BBOX1: variants seen among roughly 807,000 people sequenced by gnomAD.
BBOX1 encodes the protein gamma-butyrobetaine dioxygenase.
BBOX1 carries 35 observed loss-of-function variants against 41.6 expected under a neutral mutation model. That is an observed-to-expected ratio of 0.84 (90% CI 0.64 to 1.11). The LOEUF (loss-of-function observed/expected upper bound fraction) is 1.11. Ranked by LOEUF, BBOX1 falls within the 50% of genes most tolerant of loss-of-function variation. The probability of loss-of-function intolerance (pLI) is 0.00; values close to 1 mark genes in which losing one functional copy is unlikely to be tolerated. For synonymous variants in BBOX1, 163 were observed against 154.7 expected (o/e 1.05, Z -0.40); for missense variants, 458 against 460.6 (o/e 0.99, Z 0.05).
chr11:27,077,017 C>T (rs1469998897), intron 4 of BBOX1, among the ~76,000 whole-genome samples: 2 of 152,122 alleles, frequency 1.3e-5, no homozygotes, highest in Non-Finnish European at 2.9e-5. Context: ...CCCTTCCAGT[C>T]CACCCACAAA....
Position 27,093,191 on chromosome 11 carries a change from C to T in BBOX1, c.358C>T (p.Leu120Phe), listed in dbSNP as rs763064051. 8 of 1,612,080 alleles carry T rather than the reference C, an allele frequency of 5.0e-6. No individual in the cohort carries two copies. In the African/African-American group the frequency reaches 1.1e-4, roughly 22 times the overall value. The change falls in exon 5 of 9, where the codon CTC becomes TTC. Residue 120 changes from leucine to phenylalanine, a missense_variant. Physicochemically the swap from Leu to Phe is conservative, Grantham distance 22. Coordinates refer to ENST00000263182, the MANE Select transcript of BBOX1 (RefSeq NM_003986.3). Reference sequence around the variant, plus strand: ...AGAATGCCAATACTGGGGCTCAGAGCTCCAGCTACCCACTTTGGATTTTGA... The same window carrying T: ...AGAATGCCAATACTGGGGCTCAGAGTTCCAGCTACCCACTTTGGATTTTGA... ...FPECQYWGSE[L>F]QLPTLDFEDV...
intron 5 of BBOX1, among the ~76,000 whole-genome samples, chr11:27,111,125 A>T (rs1217949561): frequency 6.6e-6 from 1 of 151,918 alleles, no homozygotes; most frequent in Non-Finnish European, 1.5e-5. Flanking sequence ...CAATAAAATT[A>T]ATCATTTTGT....
At chr11:27,069,206 C>T (rs1007249286) in intron 4 of BBOX1, among the ~76,000 whole-genome samples, 1 of 152,006 alleles carries the variant, frequency 6.6e-6, no homozygotes. Flanking sequence ...TCTTCTAATT[C>T]ATGAGCATGG....
intron 6 of BBOX1, among the ~76,000 whole-genome samples, chr11:27,117,862 T>C (rs1319373691): frequency 2.0e-5 from 3 of 151,986 alleles, no homozygotes; most frequent in Non-Finnish European, 2.9e-5. Context: ...ATCATGTCTT[T>C]TTATGTCAGA....
chr11:27,063,799 G>A (rs1056100671), intron 4 of BBOX1, among the ~76,000 whole-genome samples: 1 of 152,104 alleles, frequency 6.6e-6, no homozygotes, highest in Non-Finnish European at 1.5e-5. Context: ...TCCATAAGAG[G>A]AAGTGAAAAC....
At chr11:27,060,953 A>G (rs1420980229) in intron 4 of BBOX1, among the ~76,000 whole-genome samples, 1 of 152,150 alleles carries the variant, frequency 6.6e-6, no homozygotes, top group Non-Finnish European at 1.5e-5. Flanking sequence ...GGAGTCTCCA[A>G]TTACATAATT....
At chr11:27,107,515 G>C (rs918068860) in intron 5 of BBOX1, among the ~76,000 whole-genome samples, 6 of 152,010 alleles carry the variant, frequency 3.9e-5, no homozygotes, top group Admixed American at 6.6e-5. Context: ...ATTATGTTGA[G>C]CTTGCCTCTT....
intron 5 of BBOX1, among the ~76,000 whole-genome samples, chr11:27,096,321 T>C (rs1054767052): frequency 3.3e-5 from 5 of 152,060 alleles, no homozygotes; most frequent in Admixed American, 1.3e-4. Context: ...AAAAGTATCT[T>C]ACTCTTGTTT....
intron 4 of BBOX1, among the ~76,000 whole-genome samples, chr11:27,089,618 AT>A (rs746561299): frequency 5.3e-5 from 8 of 152,074 alleles, no homozygotes; most frequent in Non-Finnish European, 1.2e-4. Context: ...ATAAGAACAA[AT>A]GGTGATGGGA....
intron 4 of BBOX1, among the ~76,000 whole-genome samples, chr11:27,066,887 T>G (rs7936060): frequency 3.3e-4 from 50 of 151,802 alleles, no homozygotes; most frequent in Non-Finnish European, 5.4e-4. Context: ...TTTCTTAAAA[T>G]TTTATATTTT....
At chr11:27,109,253 A>G (rs191918074) in intron 5 of BBOX1, among the ~76,000 whole-genome samples, 1 of 152,206 alleles carries the variant, frequency 6.6e-6, no homozygotes, top group Admixed American at 6.5e-5. Flanking sequence ...AATCAGGAGA[A>G]TGAGAGGAAG....
At chr11:27,120,247 GTTAGCT>G (rs1450337264) in intron 7 of BBOX1, among the ~76,000 whole-genome samples, 1 of 152,114 alleles carries the variant, frequency 6.6e-6, no homozygotes, top group African/African-American at 2.4e-5. Context: ...CATCTTCTAT[GTTAGCT>G]TTATTTTTCA....
At chr11:27,099,276 A>C (rs1404203919) in intron 5 of BBOX1, among the ~76,000 whole-genome samples, 1 of 151,984 alleles carries the variant, frequency 6.6e-6, no homozygotes. Context: ...TTTTCTAAGA[A>C]TGTTTTATTT....
At chr11:27,104,973 G>T (rs1858809962) in intron 5 of BBOX1, among the ~76,000 whole-genome samples, 1 of 152,200 alleles carries the variant, frequency 6.6e-6, no homozygotes, top group Non-Finnish European at 1.5e-5. Context: ...TGATACCTAG[G>T]AAAACAGGGT....
rs149052373 is a variant in BBOX1 at position 27,043,512 on chromosome 11, C to T, written c.-39+2034C>T. Among the ~76,000 whole-genome samples the T allele has an allele frequency of 2.9e-3, 432 of 148,168 alleles. 4 individuals are homozygous for T. The highest frequency in any genetic ancestry group is 8.5e-3 in the African/African-American group (347 of 40,748). ...CATGGTGGTTTGCTGCACCTATCAA[C>T]GCGTCATCTACATTGAATACCCTTT... On this transcript the variant is annotated intron_variant, in intron 2 of 8. Coordinates refer to ENST00000263182, the MANE Select transcript of BBOX1 (RefSeq NM_003986.3).
At chr11:27,125,914 T>C (rs1859633982) in intron 8 of BBOX1, 94 bp downstream of exon 8, 1 of 1,340,252 alleles carries the variant, frequency 7.5e-7, no homozygotes, top group Non-Finnish European at 1.0e-6. Flanking sequence ...TTCTCAGGTA[T>C]GGCATGTAGA....
chr11:27,043,418 C>CATGTGCAGAGTGTGCAG (rs1482284669), intron 2 of BBOX1, among the ~76,000 whole-genome samples: 2 of 150,150 alleles, frequency 1.3e-5, no homozygotes, highest in African/African-American at 2.5e-5. Context: ...AGAATGTGCA[C>CATGTGCAGAGTGTGCAG]GTTTGGGGTA....
chr11:27,077,856 T>C (rs946815802), intron 4 of BBOX1, among the ~76,000 whole-genome samples: 1 of 152,036 alleles, frequency 6.6e-6, no homozygotes, highest in Admixed American at 6.6e-5. Context: ...CCTTTTATCA[T>C]CCCATGTCTG....
rs775896939 is a variant in BBOX1 at position 27,057,287 on chromosome 11, A to G, written c.306A>G (p.Ala102=). The change falls in exon 4 of 9, where the codon GCA becomes GCG. Residue 102 remains alanine (A), a synonymous_variant. Transcript: ENST00000263182. ...GATGCTTTTCCAAGCAGGCCAGAGCAAAGCTCCAAAGAGAATTGTTTTTTC... is the reference window on the plus strand; with the variant it reads ...GATGCTTTTCCAAGCAGGCCAGAGCGAAGCTCCAAAGAGAATTGTTTTTTC... The part of the protein sequence containing the change: ...KKRCFSKQAR[A]KLQRELFFPE... The G allele has an allele frequency of 6.2e-7, 1 of 1,611,922 alleles. No individual in the cohort carries two copies. The highest frequency in any genetic ancestry group is 8.5e-7 in the Non-Finnish European group (1 of 1,179,330).
Sources: gnomAD v4.1 joint callset for allele counts (sites outside exome capture counted in the v4.1 genomes callset) on GRCh38, gnomAD v4.1.1 for gene constraint, MANE v1.5 for transcripts, NCBI Gene and HGNC (gene_info 2026-07-23, HGNC 2026-07-21) for gene names.